SPRED1: variants seen among roughly 807,000 people sequenced by gnomAD.
SPRED1 encodes the protein sprouty related EVH1 domain containing 1, also known as sprouty-related, EVH1 domain-containing protein 1.
SPRED1 carries 18 observed loss-of-function variants against 52.3 expected under a neutral mutation model. That is an observed-to-expected ratio of 0.34 (90% CI 0.24 to 0.51). SPRED1 has a LOEUF of 0.51. Among genes scored for constraint, SPRED1 ranks in the 20% least tolerant of loss-of-function variants. The pLI is 0.97. For synonymous variants in SPRED1, 155 were observed against 179.7 expected (o/e 0.86, Z 1.10); for missense variants, 485 against 551.0 (o/e 0.88, Z 1.20).
chr15:38,339,370 A>G (rs1895985455), intron 4 of SPRED1, among the ~76,000 whole-genome samples: 1 of 152,156 alleles, frequency 6.6e-6, no homozygotes, highest in Non-Finnish European at 1.5e-5. Context: ...AAAATAAAAC[A>G]TAGATTTGTG....
At chr15:38,295,258 G>A (rs932842668) in intron 1 of SPRED1, among the ~76,000 whole-genome samples, 21 of 151,874 alleles carry the variant, frequency 1.4e-4, no homozygotes, top group African/African-American at 4.9e-4. Flanking sequence ...ACACTAACAC[G>A]ATAGCTGATA....
At chr15:38,272,272 C>G (rs7178028) in intron 1 of SPRED1, among the ~76,000 whole-genome samples, 118,680 of 144,522 alleles carry the variant, frequency 0.82, 49,546 homozygotes, top group Non-Finnish European at 0.9. Context: ...GGGTCGAATG[C>G]TAGGTTTTTT....
chr15:38,277,338 G>C (rs1212469607), intron 1 of SPRED1, among the ~76,000 whole-genome samples: 4 of 152,040 alleles, frequency 2.6e-5, no homozygotes, highest in Non-Finnish European at 5.9e-5. Context: ...TCAATGTTTA[G>C]CTCCCACTTA....
chr15:38,306,638 T>C (rs1895254086), intron 2 of SPRED1, among the ~76,000 whole-genome samples: 1 of 152,146 alleles, frequency 6.6e-6, no homozygotes, highest in South Asian at 2.1e-4. Flanking sequence ...ATTGCTAGCA[T>C]ACCTTGAAGA....
At chr15:38,309,967 A>G (rs72711721) in intron 2 of SPRED1, among the ~76,000 whole-genome samples, 13,819 of 152,202 alleles carry the variant, frequency 0.091, 757 homozygotes, top group East Asian at 0.21. Flanking sequence ...CACACACTGT[A>G]TTATTGTGGC....
chr15:38,282,347 A>ACG (rs1894709636), intron 1 of SPRED1, among the ~76,000 whole-genome samples: 1 of 150,920 alleles, frequency 6.6e-6, no homozygotes, highest in Non-Finnish European at 1.5e-5. Context: ...ACACACATGC[A>ACG]CACACACAAG....
At chr15:38,347,038 T>A (rs1896152503) in intron 5 of SPRED1, among the ~76,000 whole-genome samples, 1 of 152,224 alleles carries the variant, frequency 6.6e-6, no homozygotes, top group East Asian at 1.9e-4. Context: ...TGATTATTTT[T>A]CACTCTTTGT....
At chr15:38,324,263 G>A (rs1895664461) in intron 3 of SPRED1, among the ~76,000 whole-genome samples, 1 of 152,124 alleles carries the variant, frequency 6.6e-6, no homozygotes, top group African/African-American at 2.4e-5. Flanking sequence ...GTACAGAGAC[G>A]TTGATGCAAA....
At chr15:38,305,102 G>A (rs565513473) in intron 2 of SPRED1, among the ~76,000 whole-genome samples, 1 of 152,126 alleles carries the variant, frequency 6.6e-6, no homozygotes, top group Non-Finnish European at 1.5e-5. Context: ...GCCAAGGCGG[G>A]TGGATTGCCT....
chr15:38,283,295 C>G (rs1393700741), intron 1 of SPRED1, among the ~76,000 whole-genome samples: 1 of 152,108 alleles, frequency 6.6e-6, no homozygotes, highest in Non-Finnish European at 1.5e-5. Context: ...TTGGGGGAAA[C>G]CACCCCCATC....
chr15:38,338,086 C>T (rs1212891030), intron 4 of SPRED1, among the ~76,000 whole-genome samples: 1 of 149,926 alleles, frequency 6.7e-6, no homozygotes, highest in Non-Finnish European at 1.5e-5. Flanking sequence ...GCGGCGGGCT[C>T]CTGTAATCTC....
At chr15:38,291,863 C>G (rs185205092) in intron 1 of SPRED1, among the ~76,000 whole-genome samples, 4 of 152,262 alleles carry the variant, frequency 2.6e-5, no homozygotes, top group Admixed American at 2.6e-4. Context: ...TTTGACGTGG[C>G]CTGGAGATGT....
In SPRED1 at chr15:38,324,916, A is replaced by G. The variant is rs960986516; in HGVS notation, c.423+107A>G. 7.7e-6 allele frequency: 7 copies of G among 914,570 alleles called. No individual in the cohort carries two copies. In the African/African-American group the frequency reaches 8.3e-5, roughly 11 times the overall value. The allele number at this position is 914,570 out of a possible 1,614,324, so 56.7% of individuals were successfully genotyped here. ...ACTAAGAATATTTCTAAGACACTCT[A>G]TTTGTCAGATTTCTCCAGAAGAAAA... On this transcript the variant is annotated intron_variant, in intron 4 of 6. Coordinates refer to ENST00000299084, the MANE Select transcript of SPRED1 (RefSeq NM_152594.3).
chr15:38,324,909 A>T, intron 4 of SPRED1, 100 bp downstream of exon 4: 1 of 1,029,118 alleles, frequency 9.7e-7, no homozygotes, highest in Non-Finnish European at 1.5e-6. Flanking sequence ...TATTTCTAAG[A>T]CACTCTATTT....
At chr15:38,327,733 C>T (rs1204574088) in intron 4 of SPRED1, among the ~76,000 whole-genome samples, 1 of 152,144 alleles carries the variant, frequency 6.6e-6, no homozygotes, top group East Asian at 1.9e-4. Flanking sequence ...GACTATGAGC[C>T]AGAATCACCC....
At chr15:38,324,842 T>C in intron 4 of SPRED1, 33 bp downstream of exon 4, 1 of 1,568,216 alleles carries the variant, frequency 6.4e-7, no homozygotes, top group Non-Finnish European at 8.8e-7. Flanking sequence ...TTTGTAAACA[T>C]AAAGGATGTG....
intron 2 of SPRED1, among the ~76,000 whole-genome samples, chr15:38,306,665 C>T (rs987578331): frequency 6.6e-6 from 1 of 152,138 alleles, no homozygotes; most frequent in Admixed American, 6.6e-5. Context: ...AGAAGTCTGC[C>T]TATTAGCATT....
chr15:38,275,607 C>G lies in SPRED1; in HGVS notation c.32+22390C>G, dbSNP rs373458562. ...TTGCCTCCCAGGTTCAATCAATTCC[C>G]GTACCTCAGCCTCCCAAGTAGCTGG... On this transcript the variant is annotated intron_variant, in intron 1 of 6. Coordinates refer to ENST00000299084, the MANE Select transcript of SPRED1 (RefSeq NM_152594.3). Among the ~76,000 whole-genome samples the G allele has an allele frequency of 2.0e-5, 3 of 152,134 alleles. No homozygotes were observed. In the East Asian group the frequency reaches 5.8e-4, roughly 29 times the overall value.
chr15:38,256,712 T>G (rs1894104310), intron 1 of SPRED1, among the ~76,000 whole-genome samples: 1 of 152,166 alleles, frequency 6.6e-6, no homozygotes, highest in South Asian at 2.1e-4. Context: ...GTTATATCAT[T>G]TAGTGCCTCA....
Sources: gnomAD v4.1 joint callset for allele counts (sites outside exome capture counted in the v4.1 genomes callset) on GRCh38, gnomAD v4.1.1 for gene constraint, MANE v1.5 for transcripts, NCBI Gene and HGNC (gene_info 2026-07-23, HGNC 2026-07-21) for gene names.